The following CADM2 variants were observed in gnomAD, a reference collection of about 807,000 sequenced individuals.
CADM2 encodes the protein cell adhesion molecule 2.
Under a neutral mutation model 49.8 loss-of-function variants are expected in CADM2, and 12 were observed. The observed-to-expected ratio is 0.24, with a 90% CI of 0.15 to 0.39. CADM2 has a LOEUF of 0.39. CADM2 is among the 10% of genes least tolerant of loss of function. The pLI is 1.00. For missense variants in CADM2, 378 were observed against 492.3 expected (o/e 0.77, Z 2.20); for synonymous variants, 214 against 175.4 (o/e 1.22, Z -1.74).
At chr3:85,021,895 T>C (rs565568562) in intron 1 of CADM2, among the ~76,000 whole-genome samples, 2 of 152,344 alleles carry the variant, frequency 1.3e-5, no homozygotes, top group East Asian at 3.9e-4. Context: ...AGTGTGGGGA[T>C]TGCTAACTTA....
chr3:85,856,028 G>T (rs184843575), intron 3 of CADM2, among the ~76,000 whole-genome samples: 32 of 152,220 alleles, frequency 2.1e-4, no homozygotes, highest in African/African-American at 7.5e-4. Flanking sequence ...TTAATTTCCT[G>T]ACCCTCTTCT....
chr3:85,164,701 C>T (rs2040423373), intron 1 of CADM2, among the ~76,000 whole-genome samples: 1 of 151,840 alleles, frequency 6.6e-6, no homozygotes, highest in Non-Finnish European at 1.5e-5. Context: ...GAGAATGTGC[C>T]CCAATTGAAT....
intron 1 of CADM2, among the ~76,000 whole-genome samples, chr3:85,315,374 T>G (rs1380749646): frequency 1.3e-5 from 2 of 152,186 alleles, no homozygotes. Flanking sequence ...TATTCTTAAG[T>G]ATCGGGGGTT....
intron 1 of CADM2, among the ~76,000 whole-genome samples, chr3:85,265,097 C>T (rs910708243): frequency 3.5e-4 from 53 of 151,968 alleles, no homozygotes; most frequent in Non-Finnish European, 2.2e-4. Context: ...TTGCTGGGCT[C>T]CTATTGTAAG....
At chr3:85,567,084 G>A (rs796372298) in intron 1 of CADM2, among the ~76,000 whole-genome samples, 13 of 152,256 alleles carry the variant, frequency 8.5e-5, no homozygotes, top group African/African-American at 3.1e-4. Flanking sequence ...CCTCCTCTGA[G>A]CTTCAATTTC....
intron 1 of CADM2, among the ~76,000 whole-genome samples, chr3:85,108,282 A>G (rs970573660): frequency 6.6e-6 from 1 of 152,358 alleles, no homozygotes; most frequent in Non-Finnish European, 1.5e-5. Flanking sequence ...CATTATTTAC[A>G]ATAGCCAATA....
At chr3:85,897,672 A>T (rs1020774868) in intron 5 of CADM2, among the ~76,000 whole-genome samples, 2 of 152,100 alleles carry the variant, frequency 1.3e-5, no homozygotes, top group African/African-American at 2.4e-5. Context: ...GCTTTGTGGA[A>T]ACTACTTGAT....
intron 1 of CADM2, among the ~76,000 whole-genome samples, chr3:85,445,900 C>A (rs375371655): frequency 2.6e-4 from 39 of 152,196 alleles, no homozygotes; most frequent in African/African-American, 8.9e-4. Context: ...CAATATACTA[C>A]AAATTTATAC....
intron 1 of CADM2, among the ~76,000 whole-genome samples, chr3:85,371,069 A>C (rs1243778068): frequency 6.6e-6 from 1 of 152,182 alleles, no homozygotes; most frequent in Non-Finnish European, 1.5e-5. Context: ...GAAAAAAGTC[A>C]AAAAAATTCT....
In CADM2 at chr3:85,246,090, T is replaced by G. The variant is rs181479467; in HGVS notation, c.61+286422T>G. On this transcript the variant is annotated intron_variant, in intron 1 of 9. Coordinates refer to ENST00000383699, the MANE Select transcript of CADM2 (RefSeq NM_001167675.2). ...GTGTACTTGTATTTTAAACAGTTACTTTTAAAATTATTCTACTATGCAGCC... is the reference window on the plus strand; with the variant it reads ...GTGTACTTGTATTTTAAACAGTTACGTTTAAAATTATTCTACTATGCAGCC... Among the ~76,000 whole-genome samples, 651 of 152,330 alleles carry G rather than the reference T, an allele frequency of 4.3e-3. 3 individuals are homozygous for G. Among genetic ancestry groups the G allele is most frequent in the Middle Eastern group, 0.017 (5 of 294 alleles).
chr3:85,334,710 C>G (rs937231915), intron 1 of CADM2, among the ~76,000 whole-genome samples: 1 of 151,480 alleles, frequency 6.6e-6, no homozygotes, highest in African/African-American at 2.4e-5. Context: ...GGTTCTAAAT[C>G]TTGGATTCTC....
chr3:85,520,710 C>A (rs185429265), intron 1 of CADM2, among the ~76,000 whole-genome samples: 288 of 151,970 alleles, frequency 1.9e-3, no homozygotes, highest in Non-Finnish European at 3.5e-3. Context: ...GTCTGGTTGT[C>A]TTAAGAAATT....
At chr3:85,082,630 G>T (rs576200231) in intron 1 of CADM2, among the ~76,000 whole-genome samples, 1 of 152,030 alleles carries the variant, frequency 6.6e-6, no homozygotes. Flanking sequence ...ACTAGGTGCC[G>T]GGGTGCTTGA....
At chr3:85,561,532 A>G (rs148071721) in intron 1 of CADM2, among the ~76,000 whole-genome samples, 3 of 152,300 alleles carry the variant, frequency 2.0e-5, no homozygotes, top group African/African-American at 7.2e-5. Context: ...CAGAGGAGAT[A>G]TAATTTCTAT....
At chr3:85,864,675 A>G (rs1022238318) in intron 3 of CADM2, among the ~76,000 whole-genome samples, 9 of 152,140 alleles carry the variant, frequency 5.9e-5, no homozygotes, top group African/African-American at 2.2e-4. Flanking sequence ...ACTATTTAAA[A>G]TTACTTCTTT....
intron 8 of CADM2, among the ~76,000 whole-genome samples, chr3:85,997,276 G>T (rs1729545667): frequency 6.6e-6 from 1 of 152,132 alleles, no homozygotes; most frequent in African/African-American, 2.4e-5. Context: ...TAAAAGCCCT[G>T]TGTATTATTT....
intron 1 of CADM2, among the ~76,000 whole-genome samples, chr3:84,974,914 G>T (rs144652920): frequency 1.3e-3 from 193 of 151,894 alleles, no homozygotes; most frequent in African/African-American, 4.1e-3. Flanking sequence ...AAGTTAAAAT[G>T]ATAACATTTT....
rs771702537 is a variant in CADM2 at position 86,071,264 on chromosome 3, A to C, written c.*4481A>C. 5 of 151,910 alleles carry C rather than the reference A, an allele frequency of 3.3e-5. No individual in the cohort carries two copies. The highest frequency in any genetic ancestry group is 7.4e-5 in the Non-Finnish European group (5 of 67,824). 9.4% of individuals were successfully genotyped at this position (151,910 alleles called of 1,614,324 possible). A position where few individuals can be genotyped will look rare whatever the true frequency, so the allele number is the denominator to read the frequency against. ...CAATGAAAGAACATAGGGTAGTTTT[A>C]ATAGTTAAAGTCACTATATCTTAAT... On this transcript the variant is annotated 3_prime_UTR_variant, in exon 10 of 10. Coordinates refer to ENST00000383699, the MANE Select transcript of CADM2 (RefSeq NM_001167675.2).
chr3:85,155,412 C>A (rs2040075752), intron 1 of CADM2, among the ~76,000 whole-genome samples: 1 of 151,938 alleles, frequency 6.6e-6, no homozygotes, highest in Non-Finnish European at 1.5e-5. Context: ...TATATGCACC[C>A]AATACAGGAG....
Sources: allele counts gnomAD v4.1 joint callset (sites outside exome capture counted in the v4.1 genomes callset), GRCh38; gene constraint gnomAD v4.1.1; transcripts MANE v1.5; gene names NCBI Gene and HGNC (gene_info 2026-07-23, HGNC 2026-07-21).